SPATA31H1: variants seen among roughly 807,000 people sequenced by gnomAD.
The protein encoded by SPATA31H1 is spermatogenesis-associated protein 31H1.
the SPATA31H1 span, among the ~76,000 whole-genome samples, chr2:27,556,284 C>CTTTTTTTTTTTTTTTT: frequency 7.1e-6 from 1 of 141,800 alleles, no homozygotes. Flanking sequence ...TTGGAAAGCC[C>CTTTTTTTTTTTTTTTT]TTTTTTTTTT....
At chr2:27,566,903 T>A in the SPATA31H1 span, 1 of 717,580 alleles carries the variant, frequency 1.4e-6, no homozygotes, top group Non-Finnish European at 2.6e-6. Context: ...ATGACTCCAG[T>A]CTGTCTCATC....
chr2:27,537,570 GGTATGTGAT>G, the SPATA31H1 span: 1 of 717,236 alleles, frequency 1.4e-6, no homozygotes, highest in South Asian at 1.5e-5. Flanking sequence ...TAAACTCAGA[GGTATGTGAT>G]GTAGCCCTCC....
chr2:27,575,933 C>T, the SPATA31H1 span: 2 of 398,376 alleles, frequency 5.0e-6, no homozygotes, highest in African/African-American at 4.1e-5. This position sits in a 1 kb window ranked among gnomAD's most constrained non-coding sequence, Gnocchi z 4.1. Flanking sequence ...CTGAATTGAA[C>T]CCAGGGACAG....
At chr2:27,577,472 A>G in the SPATA31H1 span, 1 of 1,614,142 alleles carries the variant, frequency 6.2e-7, no homozygotes, top group Non-Finnish European at 8.5e-7. This position sits in a 1 kb window ranked among gnomAD's most constrained non-coding sequence, Gnocchi z 4.5. Flanking sequence ...CAACAAGTCA[A>G]GCCACTGGAT....
At chr2:27,549,804 G>A in the SPATA31H1 span, among the ~76,000 whole-genome samples, 12 of 151,716 alleles carry the variant, frequency 7.9e-5, no homozygotes, top group African/African-American at 2.2e-4. Context: ...GCAAGACTCC[G>A]CCTCAAAAAA....
chr2:27,567,032 C>T, the SPATA31H1 span: 1 of 717,458 alleles, frequency 1.4e-6, no homozygotes, highest in Non-Finnish European at 2.6e-6. Context: ...TTTTTCAGCT[C>T]TCAGAGCCCC....
At chr2:27,548,607 CAA>C in the SPATA31H1 span, among the ~76,000 whole-genome samples, 17 of 120,216 alleles carry the variant, frequency 1.4e-4, no homozygotes, top group Non-Finnish European at 8.8e-5. Flanking sequence ...GGCCCTGTTT[CAA>C]AAAAAAAAAA....
At chr2:27,580,474 G>A in the SPATA31H1 span, 2 of 1,614,092 alleles carry the variant, frequency 1.2e-6, no homozygotes, top group Non-Finnish European at 1.7e-6. Flanking sequence ...AGAAAACACA[G>A]AAAGTTCTAC....
At chr2:27,551,966 C>G in the SPATA31H1 span, among the ~76,000 whole-genome samples, 2 of 152,050 alleles carry the variant, frequency 1.3e-5, no homozygotes, top group South Asian at 4.1e-4. Context: ...CAGGCGTGCA[C>G]CACCATGCCC....
the SPATA31H1 span, chr2:27,577,797 C>T: frequency 3.1e-6 from 5 of 1,614,112 alleles, no homozygotes; most frequent in Non-Finnish European, 4.2e-6. The surrounding 1 kb of genome is among the most constrained non-coding windows in gnomAD (Gnocchi z 4.5). Context: ...GACCTGTAAG[C>T]AATGGCTACA....
chr2:27,539,989 G>A, the SPATA31H1 span, among the ~76,000 whole-genome samples: 2 of 128,354 alleles, frequency 1.6e-5, no homozygotes, highest in Non-Finnish European at 1.7e-5. Flanking sequence ...CCTCCCTCCC[G>A]GACTGGGCGG....
the SPATA31H1 span, chr2:27,576,184 AAG>A: frequency 4.9e-6 from 2 of 404,968 alleles, no homozygotes; most frequent in South Asian, 1.2e-4. Flanking sequence ...ACAAAATTTC[AAG>A]TTATGAAATT....
chr2:27,573,434 G>A, the SPATA31H1 span: 1 of 398,460 alleles, frequency 2.5e-6, no homozygotes. Flanking sequence ...CTGTAGAATT[G>A]AAACCTTCAG....
At chr2:27,556,664 T>G in the SPATA31H1 span, among the ~76,000 whole-genome samples, 1 of 149,544 alleles carries the variant, frequency 6.7e-6, no homozygotes, top group Non-Finnish European at 1.5e-5. Flanking sequence ...TCTCGTCATC[T>G]AATTTCTTGT....
At chr2:27,539,912 G>T in the SPATA31H1 span, among the ~76,000 whole-genome samples, 1,290 of 108,066 alleles carry the variant, frequency 0.012, 1 homozygote, top group African/African-American at 0.043. Context: ...CTGGCCGGGC[G>T]GGGGGCTGAC....
At chr2:27,564,591 C>T in the SPATA31H1 span, among the ~76,000 whole-genome samples, 2 of 151,956 alleles carry the variant, frequency 1.3e-5, no homozygotes, top group East Asian at 1.9e-4. Flanking sequence ...CCGAGGTGGG[C>T]GGATCACCTC....
chr2:27,580,117 G>A, the SPATA31H1 span: 103 of 1,613,998 alleles, frequency 6.4e-5, 1 homozygote, highest in Non-Finnish European at 8.1e-5. Context: ...TCAAAGTATC[G>A]TGAAAGAGAT....
chr2:27,544,964 C>CA, the SPATA31H1 span, among the ~76,000 whole-genome samples: 6 of 151,024 alleles, frequency 4.0e-5, no homozygotes, highest in Admixed American at 1.3e-4. Flanking sequence ...TAAAAATAGC[C>CA]AAAAAAAGGC....
the SPATA31H1 span, among the ~76,000 whole-genome samples, chr2:27,538,890 A>AC: frequency 6.6e-6 from 1 of 151,924 alleles, no homozygotes; most frequent in Admixed American, 6.6e-5. Flanking sequence ...ACCTGCTCCT[A>AC]CCCCCATTTC....
Sources: allele counts gnomAD v4.1 joint callset (sites outside exome capture counted in the v4.1 genomes callset), GRCh38; gene constraint gnomAD v4.1.1; non-coding constraint Gnocchi (gnomAD v3.1); transcripts MANE v1.5; gene names NCBI Gene and HGNC (gene_info 2026-07-23, HGNC 2026-07-21).